Variants in KIF1B observed in about 807,000 individuals in gnomAD.
KIF1B encodes kinesin family member 1B, also known as kinesin-like protein KIF1B.
In KIF1B, 76 loss-of-function variants were observed where a neutral mutation model predicts 241.9. That is an observed-to-expected ratio of 0.31 (90% confidence interval 0.26 to 0.38). The LOEUF (loss-of-function observed/expected upper bound fraction) is 0.38. KIF1B is among the 10% of genes least tolerant of loss of function. The pLI is 1.00. For synonymous variants in KIF1B, 750 were observed against 796.7 expected (o/e 0.94, Z 0.99); for missense variants, 1,622 against 2,271.4 (o/e 0.71, Z 5.81).
At chr1:10,357,835 C>T (rs900316750) in intron 38 of KIF1B, among the ~76,000 whole-genome samples, 3 of 151,840 alleles carry the variant, frequency 2.0e-5, no homozygotes, top group Non-Finnish European at 4.4e-5. Context: ...ATGGTGAAAC[C>T]CCATCTCTAC....
chr1:10,303,762 A>G lies in KIF1B; in HGVS notation c.2115+6516A>G, dbSNP rs1246914762. ...TGCTCAAAATGGAAAAAGTCTTGCC[A>G]CTGATCGGATCTCAGGAACAGAAAA... On this transcript the variant is annotated intron_variant, in intron 22 of 48. Coordinates refer to ENST00000676179, the MANE Select transcript of KIF1B (RefSeq NM_001365951.3). The surrounding 1 kb of genome is among the most constrained non-coding windows in gnomAD (Gnocchi z 5.2). 5 of 1,614,102 alleles carry G rather than the reference A, an allele frequency of 3.1e-6. No individual in the cohort carries two copies. Among genetic ancestry groups the G allele is most frequent in the Non-Finnish European group, 3.4e-6 (4 of 1,180,032 alleles).
chr1:10,249,998 A>T (rs1890613), intron 2 of KIF1B, among the ~76,000 whole-genome samples: 4,804 of 151,960 alleles, frequency 0.032, 284 homozygotes, highest in African/African-American at 0.11. Context: ...TTTTGTGGAG[A>T]TGGGGTCTCA....
chr1:10,333,542 A>G (rs957759563), intron 27 of KIF1B, among the ~76,000 whole-genome samples: 1 of 151,450 alleles, frequency 6.6e-6, no homozygotes, highest in African/African-American at 2.4e-5. Context: ...ATACAAAAAA[A>G]TTAGCTGGGC....
chr1:10,376,625 T>G lies in KIF1B; in HGVS notation c.*38T>G, dbSNP rs1029891956. ...AGTGCCCTCACTCGCCTTCGAGAGA[T>G]AAAGAAAGCGTTACCTCTCATTTCT... On this transcript the variant is annotated 3_prime_UTR_variant, in exon 49 of 49. Coordinates refer to ENST00000676179, the MANE Select transcript of KIF1B (RefSeq NM_001365951.3). The G allele has an allele frequency of 1.3e-6, 2 of 1,594,914 alleles. No individual in the cohort carries two copies. Among genetic ancestry groups the G allele is most frequent in the Admixed American group, 1.7e-5 (1 of 59,986 alleles).
rs1202018995 is a variant in KIF1B at position 10,352,669 on chromosome 1, G to A, written c.3988G>A (p.Val1330Ile). ...TAAGCCTGAGGTGGATGAAGCTGCA[G>A]TTGATGCCATCCTCTCCCTAAATAT... Reference protein sequence around the residue: ...RNKPEVDEAAVDAILSLNIIS... With the variant: ...RNKPEVDEAAIDAILSLNIIS... The change falls in exon 38 of 49, where the codon GTT becomes ATT. Residue 1330 changes from valine (V) to isoleucine (I), a missense_variant. Val to Ile is a conservative substitution (Grantham distance 29). Transcript: ENST00000676179. 1 of 1,614,056 alleles carries A rather than the reference G, an allele frequency of 6.2e-7. No individual in the cohort carries two copies. The highest frequency in any genetic ancestry group is 1.7e-5 in the Admixed American group (1 of 60,008).
intron 44 of KIF1B, among the ~76,000 whole-genome samples, chr1:10,369,911 A>G (rs1376561614): frequency 2.0e-5 from 3 of 150,562 alleles, no homozygotes; most frequent in Non-Finnish European, 4.4e-5. Context: ...CAGCCTGGGC[A>G]ACAAGAGTGA....
intron 2 of KIF1B, among the ~76,000 whole-genome samples, chr1:10,251,266 TGAA>T (rs376372465): frequency 1.8e-4 from 27 of 152,178 alleles, no homozygotes; most frequent in Middle Eastern, 3.4e-3. Flanking sequence ...AAAGGAATAT[TGAA>T]GAAGAGGAAA....
chr1:10,359,644 T>A (rs1048743181), intron 38 of KIF1B, among the ~76,000 whole-genome samples: 8 of 152,292 alleles, frequency 5.3e-5, no homozygotes, highest in African/African-American at 1.7e-4. Flanking sequence ...CTTTTTTTTT[T>A]AAGCTAACAA....
At chr1:10,315,633 A>C (rs952561978) in intron 22 of KIF1B, among the ~76,000 whole-genome samples, 2 of 151,590 alleles carry the variant, frequency 1.3e-5, no homozygotes, top group Non-Finnish European at 2.9e-5. Flanking sequence ...GTCAAGGTTT[A>C]TATATTTCAT....
At chr1:10,273,312 G>T (rs1014741616) in intron 10 of KIF1B, among the ~76,000 whole-genome samples, 1 of 152,178 alleles carries the variant, frequency 6.6e-6, no homozygotes, top group African/African-American at 2.4e-5. Flanking sequence ...CCAGCACTTT[G>T]GGAGGCCAAG....
At chr1:10,363,097 C>T (rs1009660240) in intron 40 of KIF1B, among the ~76,000 whole-genome samples, 186 bp from the exon 41 acceptor site, 2 of 152,024 alleles carry the variant, frequency 1.3e-5, no homozygotes, top group Admixed American at 6.6e-5. Context: ...GAGATGAAAG[C>T]GGACTCCTCT....
At chr1:10,237,759 T>C (rs1294320825) in intron 2 of KIF1B, among the ~76,000 whole-genome samples, 5 of 152,064 alleles carry the variant, frequency 3.3e-5, no homozygotes. Context: ...GTAATCCCAG[T>C]ACTTTGGGAG....
rs148805007 is a variant in KIF1B, at chr1:10,364,248, A to G, written c.4367-852A>G. Among the ~76,000 whole-genome samples, 1,123 of 131,176 alleles carry G rather than the reference A, an allele frequency of 8.6e-3. 11 individuals are homozygous for G. The highest frequency in any genetic ancestry group is 0.031 in the African/African-American group (1,038 of 33,690). The allele number at this position is 131,176 out of a possible 152,430, so 86.1% of individuals were successfully genotyped here. ...GAGACAGAGTCTCGCTGTGTCACCC[A>G]GGCTGGAGTGTGGTGGCGCCATCTT... On this transcript the variant is annotated intron_variant, in intron 41 of 48. Transcript: ENST00000676179.
Position 10,275,450 on chromosome 1 carries a change from A to G in KIF1B, c.905A>G (p.Asp302Gly), listed in dbSNP as rs1649049153. ...TSKSKKKKKT[D>G]FIPYRDSVLT... ...TAGAGTAAAAAGAAGAAGAAAACAG[A>G]TTTTATTCCCTACAGGGATTCTGTA... The change falls in exon 11 of 49, where the codon GAT (aspartate) becomes GGT (glycine). Residue 302 changes from aspartate (D) to glycine (G), a missense_variant. This residue lies in a region of KIF1B where 201 missense variants were observed against 301.2 expected (regional missense o/e 0.67). Transcript: ENST00000676179. The G allele has an allele frequency of 6.3e-7, 1 of 1,587,292 alleles. No individual in the cohort carries two copies. Among genetic ancestry groups the G allele is most frequent in the African/African-American group, 1.3e-5 (1 of 74,366 alleles).
At chr1:10,223,630 T>C (rs951501615) in intron 1 of KIF1B, among the ~76,000 whole-genome samples, 7 of 146,198 alleles carry the variant, frequency 4.8e-5, no homozygotes, top group African/African-American at 1.8e-4. Flanking sequence ...CACTGCAACC[T>C]CTGCCTCCCG....
chr1:10,307,985 C>T (rs914839975), intron 22 of KIF1B: 3 of 1,055,732 alleles, frequency 2.8e-6, no homozygotes, highest in Non-Finnish European at 3.4e-6. Flanking sequence ...ATTGAAGTGA[C>T]TTGAAGTGAC....
Position 10,378,100 on chromosome 1 carries a change from C to T in KIF1B, c.*1513C>T, listed in dbSNP as rs1436793150. ...GGTTGAAGATGCTTTCAGTGATGCT[C>T]TCTATACTCATAAATAAGCAAATGT... On this transcript the variant is annotated 3_prime_UTR_variant, in exon 49 of 49. Transcript: ENST00000676179. 5 of 566,198 alleles carry T rather than the reference C, an allele frequency of 8.8e-6. No individual in the cohort carries two copies. The highest frequency in any genetic ancestry group is 1.6e-5 in the Non-Finnish European group (5 of 317,588). The allele number at this position is 566,198 out of a possible 1,614,324, so 35.1% of individuals were successfully genotyped here.
chr1:10,263,528 C>T (rs1239462028), intron 5 of KIF1B, among the ~76,000 whole-genome samples: 1 of 151,858 alleles, frequency 6.6e-6, no homozygotes, highest in Non-Finnish European at 1.5e-5. Context: ...GCATTTCATT[C>T]CTAGTTAATT....
rs370403311 is a variant in KIF1B, at chr1:10,370,898, G to C, written c.4825-243G>C. Among the ~76,000 whole-genome samples the C allele has an allele frequency of 2.6e-5, 4 of 152,196 alleles. No individual in the cohort carries two copies. The East Asian group carries it at 7.7e-4, about 29-fold the overall frequency. On this transcript the variant is annotated intron_variant, in intron 44 of 48. Transcript: ENST00000676179. ...GGATCGCTGGAGCCCAGGAGTTGGA[G>C]GCCACAGGAAGCTAGGATTGCATCA...
Sources: gnomAD v4.1 joint callset for allele counts (sites outside exome capture counted in the v4.1 genomes callset) on GRCh38, gnomAD v4.1.1 for gene constraint, gnomAD v4.1.1 regional missense constraint, Gnocchi (gnomAD v3.1) non-coding constraint, MANE v1.5 for transcripts, NCBI Gene and HGNC (gene_info 2026-07-23, HGNC 2026-07-21) for gene names.